ATXN2: variants seen among roughly 807,000 people sequenced by gnomAD.
ATXN2 encodes ataxin-2.
Under a neutral mutation model 138.6 loss-of-function variants are expected in ATXN2, and 37 were observed. The ratio of observed to expected loss-of-function variants is 0.27; its 90% confidence interval spans 0.21 to 0.35. The LOEUF (loss-of-function observed/expected upper bound fraction) is 0.35. ATXN2 is among the 10% of genes least tolerant of loss of function. The pLI is 1.00. For synonymous variants in ATXN2, 549 were observed against 543.7 expected (o/e 1.01, Z -0.13); for missense variants, 1,216 against 1,480.3 (o/e 0.82, Z 2.93).
intron 15 of ATXN2, among the ~76,000 whole-genome samples, chr12:111,487,828 G>T (rs1170062767): frequency 6.6e-6 from 1 of 151,922 alleles, no homozygotes; most frequent in Non-Finnish European, 1.5e-5. Context: ...AAAAAGTCAT[G>T]GCTGTAAAAA....
rs1174670688 is a variant in ATXN2, at chr12:111,470,633, C to T, written c.2634G>A (p.Thr878=). The T allele has an allele frequency of 1.1e-5, 18 of 1,613,950 alleles. No individual in the cohort carries two copies. The highest frequency in any genetic ancestry group is 3.3e-5 in the Admixed American group (2 of 59,974). The change falls in exon 19 of 25, where the codon ACG becomes ACA. Residue 878 remains threonine (T), a synonymous_variant. Coordinates refer to ENST00000673436, the MANE Select transcript of ATXN2 (RefSeq NM_001372574.1). ...PIAATPPAYS[T]QYVAYSPQQF... is the part of the protein sequence containing the mutation. ...GCTGAGGACTGTAGGCAACATATTG[C>T]GTGGAGTAAGCTGGTGGGGTGGCTG...
intron 1 of ATXN2, among the ~76,000 whole-genome samples, chr12:111,559,018 A>G (rs1011510361): frequency 6.6e-6 from 1 of 152,002 alleles, no homozygotes; most frequent in South Asian, 2.1e-4. Flanking sequence ...TCAAGTTTAC[A>G]GATCTACCAG....
intron 5 of ATXN2, among the ~76,000 whole-genome samples, chr12:111,530,684 G>A (rs377361480): frequency 6.6e-6 from 1 of 152,186 alleles, no homozygotes; most frequent in Non-Finnish European, 1.5e-5. Context: ...CGTAGTGGCC[G>A]GCGCCTGTAA....
At position 111,552,867 on chromosome 12, in the gene ATXN2, C is replaced by CT. The variant is rs1214762692; in HGVS notation, c.420+38dup. 6 of 1,375,100 alleles carry CT rather than the reference C, an allele frequency of 4.4e-6. No homozygotes were observed. The highest frequency in any genetic ancestry group is 6.0e-6 in the Non-Finnish European group (6 of 1,007,208). The allele number at this position is 1,375,100 out of a possible 1,614,324, so 85.2% of individuals were successfully genotyped here. On this transcript the variant is annotated intron_variant, in intron 4 of 24. Transcript: ENST00000673436. The surrounding 1 kb of genome is among the most constrained non-coding windows in gnomAD (Gnocchi z 4.1). ...GTAAAACACTGACTATGAAAATGTT[C>CT]TTTTACTTTGTAAGAAAAAGAAAAA... is the stretch of plus-strand genomic sequence containing the variant.
intron 2 of ATXN2, among the ~76,000 whole-genome samples, chr12:111,555,681 A>C (rs572580730): frequency 1.5e-4 from 23 of 152,108 alleles, no homozygotes; most frequent in African/African-American, 5.6e-4. Context: ...CAGTGTAAGA[A>C]TGGACTAATA....
At chr12:111,576,125 CATA>C (rs1390123351) in intron 1 of ATXN2, among the ~76,000 whole-genome samples, 1 of 140,288 alleles carries the variant, frequency 7.1e-6, no homozygotes, top group South Asian at 2.1e-4. Flanking sequence ...CATAACATAA[CATA>C]ACATAACATC....
chr12:111,564,590 AG>A (rs1410564564), intron 1 of ATXN2, among the ~76,000 whole-genome samples: 1 of 151,926 alleles, frequency 6.6e-6, no homozygotes, highest in African/African-American at 2.4e-5. Context: ...CTCACACTGA[AG>A]AAAAAAAAAA....
In ATXN2 at chr12:111,520,015, A is replaced by C; in HGVS notation, c.850T>G (p.Leu284Val). The change falls in exon 8 of 25, where the codon TTA becomes GTA. Residue 284 changes from leucine (L) to valine (V), a missense_variant. By Grantham distance (32) the Leu-to-Val change is conservative (BLOSUM62 1). Around this residue, in one of 4 missense-constraint regions of ATXN2, gnomAD observed 401 missense variants for 528.1 expected, o/e 0.76. Coordinates refer to ENST00000673436, the MANE Select transcript of ATXN2 (RefSeq NM_001372574.1). ...GCACTTGACTCAATTTCTTCTGCTA[A>C]CTGGTTTGCCCTTGCTTCCCGTTTT... ...FLKREARANQ[L>V]AEEIESSAQY... 1 of 1,614,170 alleles carries C rather than the reference A, an allele frequency of 6.2e-7. No individual in the cohort carries two copies. The highest frequency in any genetic ancestry group is 8.5e-7 in the Non-Finnish European group (1 of 1,180,038).
At chr12:111,518,551 T>A in intron 8 of ATXN2, 124 bp from the exon 9 acceptor site, 1 of 970,182 alleles carries the variant, frequency 1.0e-6, no homozygotes, top group South Asian at 2.1e-5. Flanking sequence ...TAAACCAAAC[T>A]GCCTCACTCC....
rs111489870 is a variant in ATXN2, at chr12:111,574,039, C to T, written c.252-18120G>A. 2.8e-4 allele frequency among the ~76,000 whole-genome samples: 42 copies of T among 151,216 alleles called. 3 individuals carry two copies. Among genetic ancestry groups the T allele is most frequent in the African/African-American group, 9.2e-4 (38 of 41,302 alleles). On this transcript the variant is annotated intron_variant, in intron 1 of 24. Coordinates refer to ENST00000673436, the MANE Select transcript of ATXN2 (RefSeq NM_001372574.1). ...GTTAAAAAGTATGGAGACTTCCGGC[C>T]GGGTGCGGTGATTCAAGCCTGCAAT...
At chr12:111,542,475 T>A (rs922756589) in intron 5 of ATXN2, among the ~76,000 whole-genome samples, 2 of 152,054 alleles carry the variant, frequency 1.3e-5, no homozygotes, top group Non-Finnish European at 2.9e-5. Flanking sequence ...CACGCCTGGC[T>A]GGTTTGTTTT....
At position 111,554,226 on chromosome 12, in the gene ATXN2, T is replaced by TAAA; in HGVS notation, c.289-10_289-9insTTT. The stretch of plus-strand genomic sequence containing the variant: ...ATTCCATCAAAAGAAATCTGGAATA[T>TAAA]TAAAAAAAAAAAAAACTATTAGAAA... On this transcript the variant is annotated splice_polypyrimidine_tract_variant and intron_variant, in intron 2 of 24. Transcript: ENST00000673436. The TAAA allele has an allele frequency of 1.5e-6, 2 of 1,366,556 alleles. No individual in the cohort carries two copies. The highest frequency in any genetic ancestry group is 3.0e-5 in the South Asian group (2 of 67,068). The allele number at this position is 1,366,556 out of a possible 1,614,324, so 84.7% of individuals were successfully genotyped here.
chr12:111,518,536 T>C (rs1879980712), intron 8 of ATXN2, 109 bp from the exon 9 acceptor site: 7 of 1,179,248 alleles, frequency 5.9e-6, no homozygotes, highest in Middle Eastern at 5.8e-4. Context: ...AAAAAGGTTC[T>C]ACACTAAACC....
chr12:111,495,240 G>A (rs1012965025), intron 14 of ATXN2, among the ~76,000 whole-genome samples: 2 of 150,884 alleles, frequency 1.3e-5, no homozygotes, highest in African/African-American at 2.4e-5. Flanking sequence ...CTCAGGAGGC[G>A]GAGGTTGCAG....
rs150425821 is a variant in ATXN2 at position 111,543,392 on chromosome 12, T to A, written c.571+8888A>T. On this transcript the variant is annotated intron_variant, in intron 5 of 24. Coordinates refer to ENST00000673436, the MANE Select transcript of ATXN2 (RefSeq NM_001372574.1). ...TTTCTCACTGTTCTCTAATTACACA[T>A]TAACACTCCAACTTCTTCCAACTAC... is the stretch of plus-strand genomic sequence containing the variant. Among the ~76,000 whole-genome samples the A allele has an allele frequency of 2.0e-5, 3 of 152,326 alleles. No homozygotes were observed. In the East Asian group the frequency reaches 5.8e-4, roughly 29 times the overall value.
At position 111,453,146 on chromosome 12, in the gene ATXN2, T is replaced by C; in HGVS notation, c.3440-306A>G. 8.3e-7 allele frequency: 1 copy of C among 1,199,272 alleles called. No individual in the cohort carries two copies. The highest frequency in any genetic ancestry group is 1.0e-6 in the Non-Finnish European group (1 of 964,984). The allele number at this position is 1,199,272 out of a possible 1,614,324, so 74.3% of individuals were successfully genotyped here. ...CCAAGCACCAGTATTGCTTTCAGAA[T>C]AACAGGTCAGACTGTGAAGTATCGC... On this transcript the variant is annotated intron_variant, in intron 24 of 24. Coordinates refer to ENST00000673436, the MANE Select transcript of ATXN2 (RefSeq NM_001372574.1). This position sits in a 1 kb window ranked among gnomAD's most constrained non-coding sequence, Gnocchi z 5.4.
intron 6 of ATXN2, among the ~76,000 whole-genome samples, chr12:111,523,857 G>C (rs759733056): frequency 9.9e-5 from 15 of 151,650 alleles, no homozygotes; most frequent in Admixed American, 2.0e-4. Context: ...GAGCTCAGGA[G>C]TTCCAGATCA....
At chr12:111,491,233 A>G (rs750326314) in intron 14 of ATXN2, among the ~76,000 whole-genome samples, 2 of 152,160 alleles carry the variant, frequency 1.3e-5, no homozygotes, top group Admixed American at 6.6e-5. Flanking sequence ...AGCCTGGGCA[A>G]TAAGAGCGAA....
chr12:111,479,656 G>A (rs1299287928), intron 18 of ATXN2, among the ~76,000 whole-genome samples: 3 of 152,040 alleles, frequency 2.0e-5, no homozygotes, highest in South Asian at 2.1e-4. Context: ...GTCCTGGGAC[G>A]GCTTTGAATG....
Sources: allele counts gnomAD v4.1 joint callset (sites outside exome capture counted in the v4.1 genomes callset), GRCh38; gene constraint gnomAD v4.1.1; regional missense constraint gnomAD v4.1.1; non-coding constraint Gnocchi (gnomAD v3.1); transcripts MANE v1.5; gene names NCBI Gene and HGNC (gene_info 2026-07-23, HGNC 2026-07-21).